The following AQP2 variants were observed in gnomAD, a reference collection of about 807,000 sequenced individuals.
The protein encoded by AQP2 is aquaporin-2.
Under a neutral mutation model 21.6 loss-of-function variants are expected in AQP2, and 20 were observed. The observed-to-expected ratio is 0.92, with a 90% CI of 0.65 to 1.34. The LOEUF is 1.34. Ranked by LOEUF, AQP2 falls within the 40% of genes most tolerant of loss-of-function variation. The probability of loss-of-function intolerance (pLI) is 0.00; values close to 1 mark genes in which losing one functional copy is unlikely to be tolerated. For missense variants in AQP2, 325 were observed against 363.4 expected (o/e 0.89, Z 0.86); for synonymous variants, 168 against 166.9 (o/e 1.01, Z -0.05).
intron 3 of AQP2, among the ~76,000 whole-genome samples, chr12:49,954,957 G>A (rs753527116): frequency 2.6e-5 from 4 of 152,186 alleles, no homozygotes; most frequent in African/African-American, 4.8e-5. Context: ...TGAGGTTACC[G>A]GTGTAACCCA....
In AQP2 at chr12:49,954,182, G is replaced by C; in HGVS notation, c.388G>C (p.Ala130Pro). The C allele has an allele frequency of 1.9e-6, 3 of 1,600,470 alleles. No individual in the cohort carries two copies. The highest frequency in any genetic ancestry group is 1.7e-6 in the Non-Finnish European group (2 of 1,179,956). ...CAGCAACAGCACGACGGCTGGCCAG[G>C]CGGTGACTGTGGAGCTCTTCCTGAC... Reference protein sequence around the residue: ...ALSNSTTAGQAVTVELFLTLQ... With the variant: ...ALSNSTTAGQPVTVELFLTLQ... Residue 130 changes from alanine (A) to proline (P), a missense_variant, in exon 2 of 4, where the codon GCG becomes CCG. Transcript: ENST00000199280.
In AQP2 at chr12:49,955,178, A is replaced by G. The variant is rs7299924; in HGVS notation, c.607-221A>G. 0.13 allele frequency among the ~76,000 whole-genome samples: 19,793 copies of G among 152,296 alleles called. 1,671 individuals carry two copies. Among genetic ancestry groups the G allele is most frequent in the Non-Finnish European group, 0.19 (12,815 of 68,016 alleles). ...CACACAGCACTTAAGTGGTGGAATCAGGACACACACAGGCAGTGGCTTCAG... is the reference window on the plus strand; with the variant it reads ...CACACAGCACTTAAGTGGTGGAATCGGGACACACACAGGCAGTGGCTTCAG... On this transcript the variant is annotated intron_variant, in intron 3 of 3. Transcript: ENST00000199280.
rs1462113009 is a variant in AQP2 at position 49,955,712 on chromosome 12, G to C, written c.*104G>C. ...CCGCAGGTCTGAAGTTGGCCCCCCAGCGCAGAGTAGCTGCTTCCTGGACGT... is the reference window on the plus strand; with the variant it reads ...CCGCAGGTCTGAAGTTGGCCCCCCACCGCAGAGTAGCTGCTTCCTGGACGT... On this transcript the variant is annotated 3_prime_UTR_variant, in exon 4 of 4. Transcript: ENST00000199280. 3 of 1,379,850 alleles carry C rather than the reference G, an allele frequency of 2.2e-6. No individual in the cohort carries two copies. Among genetic ancestry groups the C allele is most frequent in the Non-Finnish European group, 3.0e-6 (3 of 1,007,920 alleles). The allele number at this position is 1,379,850 out of a possible 1,614,324, so 85.5% of individuals were successfully genotyped here. A position where few individuals can be genotyped will look rare whatever the true frequency, so the allele number is the denominator to read the frequency against.
intron 3 of AQP2, 103 bp from the exon 4 acceptor site, chr12:49,955,296 T>C (rs1947358321): frequency 8.6e-7 from 1 of 1,158,812 alleles, no homozygotes; most frequent in Non-Finnish European, 1.2e-6. Flanking sequence ...TAGATTAATG[T>C]CGGGGAGGAG....
chr12:49,955,395 C>T lies in AQP2; in HGVS notation c.607-4C>T, dbSNP rs753958063. 19 of 1,611,942 alleles carry T rather than the reference C, an allele frequency of 1.2e-5. No individual in the cohort carries two copies. The highest frequency in any genetic ancestry group is 1.5e-5 in the Non-Finnish European group (18 of 1,179,474). On this transcript the variant is annotated splice_region_variant and splice_polypyrimidine_tract_variant and intron_variant, in intron 3 of 3. Coordinates refer to ENST00000199280, the MANE Select transcript of AQP2 (RefSeq NM_000486.6). ...GCCAAGCCGCCCTCTCCGCTCGCCC[C>T]CAGGTCTTCTGGATCGGACCCCTGG...
At chr12:49,954,738 C>T (rs1947354264) in intron 3 of AQP2, 28 bp downstream of exon 3, 1 of 1,606,242 alleles carries the variant, frequency 6.2e-7, no homozygotes, top group Non-Finnish European at 8.5e-7. Flanking sequence ...CTGCCCTCCC[C>T]TTCTCTAGAA....
At chr12:49,954,486 A>G (rs554296782) in intron 2 of AQP2, 144 bp from the exon 3 acceptor site, 260 of 1,235,550 alleles carry the variant, frequency 2.1e-4, no homozygotes, top group Non-Finnish European at 2.9e-4. Context: ...ATATCACTCC[A>G]GCCCATCTGT....
intron 1 of AQP2, among the ~76,000 whole-genome samples, chr12:49,952,837 T>C (rs990843031): frequency 6.6e-6 from 1 of 152,174 alleles, no homozygotes; most frequent in Non-Finnish European, 1.5e-5. Context: ...CAAGTGTCCT[T>C]TGAGGACACT....
At position 49,954,183 on chromosome 12, in the gene AQP2, C is replaced by T. The variant is rs776661183; in HGVS notation, c.389C>T (p.Ala130Val). ...ALSNSTTAGQ[A>V]VTVELFLTLQ... is the part of the protein sequence containing the mutation. ...AGCAACAGCACGACGGCTGGCCAGGCGGTGACTGTGGAGCTCTTCCTGACA... is the reference window on the plus strand; with the variant it reads ...AGCAACAGCACGACGGCTGGCCAGGTGGTGACTGTGGAGCTCTTCCTGACA... The change falls in exon 2 of 4, where the codon GCG becomes GTG. Residue 130 changes from alanine to valine, a missense_variant. Ala to Val is a moderately conservative substitution (Grantham distance 64). Transcript: ENST00000199280. 6.2e-7 allele frequency: 1 copy of T among 1,600,484 alleles called. No individual in the cohort carries two copies. The highest frequency in any genetic ancestry group is 8.5e-7 in the Non-Finnish European group (1 of 1,179,940).
rs1197632507 is a variant in AQP2, at chr12:49,950,758, T to C, written c.-73T>C. On this transcript the variant is annotated 5_prime_UTR_variant, in exon 1 of 4. Coordinates refer to ENST00000199280, the MANE Select transcript of AQP2 (RefSeq NM_000486.6). ...CCAGAGGCCTTGAGAAAGAGAGCGA[T>C]AGAGTGCGAGAGCGAGTGCCCGGAG... The C allele has an allele frequency of 1.3e-5, 20 of 1,557,196 alleles. No homozygotes were observed. Among genetic ancestry groups the C allele is most frequent in the Admixed American group, 1.1e-4 (6 of 56,100 alleles).
chr12:49,954,282 C>G lies in AQP2; in HGVS notation c.488C>G (p.Ser163Cys). Residue 163 changes from serine (S) to cysteine (C), a missense_variant, in exon 2 of 4, where the codon TCC becomes TGC. Ser to Cys is a moderately radical substitution (Grantham distance 112). Coordinates refer to ENST00000199280, the MANE Select transcript of AQP2 (RefSeq NM_000486.6). ...RGENPGTPALSIGFSVALGHL... is the reference protein window; with the variant it reads ...RGENPGTPALCIGFSVALGHL... ...GAGAACCCGGGCACCCCTGCTCTCT[C>G]CATAGGCTTCTCTGTGGCCCTGGGC... The G allele has an allele frequency of 6.2e-7, 1 of 1,609,556 alleles. No homozygotes were observed. The highest frequency in any genetic ancestry group is 8.5e-7 in the Non-Finnish European group (1 of 1,179,950).
rs1164089986 is a variant in AQP2 at position 49,955,923 on chromosome 12, T to C, written c.*315T>C. ...CAGGTGGGTGGTAAGAGGGAAACTC[T>C]GGAGAGCCTGCACCCAGGTACTGAG... is the stretch of plus-strand genomic sequence containing the variant. On this transcript the variant is annotated 3_prime_UTR_variant, in exon 4 of 4. Transcript: ENST00000199280. 1 of 552,642 alleles carries C rather than the reference T, an allele frequency of 1.8e-6. No homozygotes were observed. The allele number at this position is 552,642 out of a possible 1,614,324, so 34.2% of individuals were successfully genotyped here. A position where few individuals can be genotyped will look rare whatever the true frequency, so the allele number is the denominator to read the frequency against.
chr12:49,951,254 A>T (rs1947327777), intron 1 of AQP2, 64 bp downstream of exon 1: 1 of 1,528,258 alleles, frequency 6.5e-7, no homozygotes, highest in South Asian at 1.3e-5. Flanking sequence ...GTAAAGGATG[A>T]GATGGGAGGG....
Position 49,955,749 on chromosome 12 carries a change from C to A in AQP2, c.*141C>A. 1 of 1,149,574 alleles carries A rather than the reference C, an allele frequency of 8.7e-7. No individual in the cohort carries two copies. The highest frequency in any genetic ancestry group is 1.3e-6 in the Non-Finnish European group (1 of 797,254). The allele number at this position is 1,149,574 out of a possible 1,614,324, so 71.2% of individuals were successfully genotyped here. ...TGCTTCCTGGACGTGCGCGCCCAGG[C>A]CAGTGCTGTGAGCAGGCGGGGAGGA... On this transcript the variant is annotated 3_prime_UTR_variant, in exon 4 of 4. Coordinates refer to ENST00000199280, the MANE Select transcript of AQP2 (RefSeq NM_000486.6).
rs1351015080 is a variant in AQP2, at chr12:49,950,774, G to A, written c.-57G>A. ...AGAGAGCGATAGAGTGCGAGAGCGA[G>A]TGCCCGGAGCATCCTGGCCCTGAGA... On this transcript the variant is annotated 5_prime_UTR_variant, in exon 1 of 4. In the 5' UTR this introduces an upstream ATG that the reference lacks. Transcript: ENST00000199280. 9 of 1,580,686 alleles carry A rather than the reference G, an allele frequency of 5.7e-6. No individual in the cohort carries two copies. The highest frequency in any genetic ancestry group is 1.3e-5 in the African/African-American group (1 of 74,190).
At position 49,951,073 on chromosome 12, in the gene AQP2, C is replaced by G; in HGVS notation, c.243C>G (p.Val81=). 1 of 1,611,764 alleles carries G rather than the reference C, an allele frequency of 6.2e-7. No individual in the cohort carries two copies. ...TGGCCTGCCTGGTGGGCTGCCACGT[C>G]TCCGTTCTCCGAGCCGCCTTCTACG... ...VTVACLVGCH[V]SVLRAAFYVA... Residue 81 remains valine, a synonymous_variant, in exon 1 of 4, where the codon GTC becomes GTG. Transcript: ENST00000199280.
rs1389848128 is a variant in AQP2, at chr12:49,957,427, T to A, written c.*1819T>A. On this transcript the variant is annotated 3_prime_UTR_variant, in exon 4 of 4. Coordinates refer to ENST00000199280, the MANE Select transcript of AQP2 (RefSeq NM_000486.6). ...GCCCCCATGCTCTCTGTGGCCTCCA[T>A]GCCTTCAAGACTTCTGTCTGTATCT... The A allele has an allele frequency of 6.6e-6, 1 of 152,482 alleles. No individual in the cohort carries two copies. Among genetic ancestry groups the A allele is most frequent in the South Asian group, 2.1e-4 (1 of 4,836 alleles). The allele number at this position is 152,482 out of a possible 1,614,324, so 9.4% of individuals were successfully genotyped here.
intron 1 of AQP2, chr12:49,952,169 C>G (rs1226313542): frequency 1.3e-5 from 2 of 152,354 alleles, no homozygotes; most frequent in Non-Finnish European, 2.9e-5. Flanking sequence ...CACTCTATTG[C>G]CCAGGCTGGA....
rs104894339 is a variant in AQP2 at position 49,955,577 on chromosome 12, C to T, written c.785C>T (p.Pro262Leu). 9.3e-5 allele frequency: 147 copies of T among 1,586,118 alleles called. No homozygotes were observed. The highest frequency in any genetic ancestry group is 1.2e-4 in the Non-Finnish European group (139 of 1,170,460). The change falls in exon 4 of 4, where the codon CCG (proline) becomes CTG (leucine). Residue 262 changes from proline to leucine, a missense_variant. By Grantham distance (98) the Pro-to-Leu change is moderately conservative (BLOSUM62 -3). Transcript: ENST00000199280. Reference sequence around the variant, plus strand: ...CGGCAGTCGGTGGAGCTGCACTCGCCGCAGAGCCTGCCACGGGGTACCAAG... The same window carrying T: ...CGGCAGTCGGTGGAGCTGCACTCGCTGCAGAGCCTGCCACGGGGTACCAAG... ...RRRQSVELHS[P>L]QSLPRGTKA
Sources: gnomAD v4.1 joint callset for allele counts (sites outside exome capture counted in the v4.1 genomes callset) on GRCh38, gnomAD v4.1.1 for gene constraint, MANE v1.5 for transcripts, NCBI Gene and HGNC (gene_info 2026-07-23, HGNC 2026-07-21) for gene names.